ULK4: variants seen among roughly 807,000 people sequenced by gnomAD.
The protein encoded by ULK4 is inactive serine/threonine-protein kinase ULK4.
Under a neutral mutation model 160.6 loss-of-function variants are expected in ULK4, and 133 were observed. The observed-to-expected ratio is 0.83, with a 90% CI of 0.72 to 0.96. The LOEUF (loss-of-function observed/expected upper bound fraction) is 0.96, where lower values mean the gene tolerates loss of function less well. ULK4 is among the 40% of genes least tolerant of loss of function. The pLI is 0.00. For synonymous variants in ULK4, 534 were observed against 539.8 expected (o/e 0.99, Z 0.15); for missense variants, 1,580 against 1,499.5 (o/e 1.05, Z -0.89).
intron 32 of ULK4, among the ~76,000 whole-genome samples, chr3:41,473,111 AGAT>A (rs2084035891): frequency 6.6e-6 from 1 of 152,238 alleles, no homozygotes; most frequent in Admixed American, 6.5e-5. Flanking sequence ...TAAAGGACAT[AGAT>A]GATAAGCATA....
intron 29 of ULK4, among the ~76,000 whole-genome samples, chr3:41,668,474 G>C (rs921938768): frequency 1.3e-5 from 2 of 152,128 alleles, no homozygotes; most frequent in African/African-American, 4.8e-5. Flanking sequence ...GCAGTATTCA[G>C]TGCAGTAACA....
chr3:41,888,105 G>C (rs1240378890), intron 16 of ULK4, among the ~76,000 whole-genome samples: 1 of 151,676 alleles, frequency 6.6e-6, no homozygotes, highest in African/African-American at 2.4e-5. Flanking sequence ...TTTTTAGAGT[G>C]AGTCTCTAAA....
intron 21 of ULK4, among the ~76,000 whole-genome samples, chr3:41,784,432 C>G (rs1217695755): frequency 1.3e-5 from 2 of 150,546 alleles, no homozygotes; most frequent in African/African-American, 4.9e-5. Context: ...AACTCCGTCT[C>G]AAAAAAAAAG....
chr3:41,677,457 G>A (rs773479634), intron 29 of ULK4, among the ~76,000 whole-genome samples: 3 of 150,574 alleles, frequency 2.0e-5, no homozygotes, highest in Admixed American at 6.6e-5. Context: ...TCAGCCTCCC[G>A]AGTAGCTAGG....
At chr3:41,804,595 C>T (rs2040580542) in intron 19 of ULK4, among the ~76,000 whole-genome samples, 1 of 151,836 alleles carries the variant, frequency 6.6e-6, no homozygotes, top group African/African-American at 2.4e-5. Flanking sequence ...AGGTTGTCTT[C>T]TAGGCTTTTT....
chr3:41,757,175 A>C (rs1205303641), intron 21 of ULK4, among the ~76,000 whole-genome samples: 2 of 152,212 alleles, frequency 1.3e-5, no homozygotes, highest in Non-Finnish European at 2.9e-5. Flanking sequence ...AAACAACTGA[A>C]ACCTCTGATC....
chr3:41,894,484 C>T (rs1197059943), intron 16 of ULK4, among the ~76,000 whole-genome samples: 7 of 152,118 alleles, frequency 4.6e-5, no homozygotes, highest in African/African-American at 9.7e-5. Context: ...AAAATCCTTT[C>T]GCCTCCATTT....
rs576810606 is a variant in ULK4 at position 41,558,271 on chromosome 3, T to G, written c.3226+7754A>C. 3.9e-5 allele frequency among the ~76,000 whole-genome samples: 6 copies of G among 152,290 alleles called. 2 individuals carry two copies. The East Asian group carries it at 1.2e-3, about 29-fold the overall frequency. On this transcript the variant is annotated intron_variant, in intron 32 of 36. Coordinates refer to ENST00000301831, the MANE Select transcript of ULK4 (RefSeq NM_017886.4). ...GCTACATCCATAAAACAGAATAGGATGTTGCTGTGTAAAAGAATAAAGATC... is the reference window on the plus strand; with the variant it reads ...GCTACATCCATAAAACAGAATAGGAGGTTGCTGTGTAAAAGAATAAAGATC...
At position 41,715,247 on chromosome 3, in the gene ULK4, C is replaced by T; in HGVS notation, c.2624G>A (p.Gly875Glu). The part of the protein sequence containing the change: ...VVTEEFLFSY[G>E]TILSHIKSVD... ...TTTCGTGTTACTCACAAGAATAGTT[C>T]CATAGCTGAAAAGAAACTCTTCTGT... The change falls in exon 25 of 37, where the codon GGA (glycine) becomes GAA (glutamate). Residue 875 changes from glycine (G) to glutamate (E), a missense_variant. Gly to Glu is a moderately conservative substitution (Grantham distance 98, BLOSUM62 -2). Transcript: ENST00000301831. The T allele has an allele frequency of 1.2e-6, 2 of 1,613,104 alleles. No individual in the cohort carries two copies. Among genetic ancestry groups the T allele is most frequent in the South Asian group, 2.2e-5 (2 of 90,978 alleles).
chr3:41,565,574 G>C (rs748453049), intron 32 of ULK4, among the ~76,000 whole-genome samples: 6 of 152,132 alleles, frequency 3.9e-5, no homozygotes, highest in Admixed American at 3.3e-4. Context: ...CCCTCACCAT[G>C]TGATGCCCTA....
chr3:41,467,600 T>C (rs1377416273), intron 32 of ULK4, among the ~76,000 whole-genome samples: 2 of 152,056 alleles, frequency 1.3e-5, no homozygotes, highest in East Asian at 3.9e-4. Context: ...AATTAAGATA[T>C]AATCATATAG....
intron 35 of ULK4, among the ~76,000 whole-genome samples, chr3:41,372,221 G>A (rs1305076420): frequency 6.6e-6 from 1 of 152,124 alleles, no homozygotes; most frequent in Non-Finnish European, 1.5e-5. Context: ...AAAACACTCT[G>A]CAGGATATTA....
chr3:41,730,342 C>T (rs1169970775), intron 22 of ULK4, among the ~76,000 whole-genome samples: 2 of 151,884 alleles, frequency 1.3e-5, no homozygotes, highest in Non-Finnish European at 2.9e-5. Context: ...AAAAGGTCAG[C>T]AAAATAGAGT....
chr3:41,866,277 AAGCTAAGTAG>A (rs1696872294), intron 17 of ULK4, among the ~76,000 whole-genome samples: 1 of 152,194 alleles, frequency 6.6e-6, no homozygotes, highest in African/African-American at 2.4e-5. Flanking sequence ...CCTTCTCATA[AAGCTAAGTAG>A]ACCTGATGTT....
chr3:41,414,287 A>C (rs1392074483), intron 34 of ULK4, among the ~76,000 whole-genome samples: 1 of 152,052 alleles, frequency 6.6e-6, no homozygotes, highest in Non-Finnish European at 1.5e-5. Flanking sequence ...TATTGCAAGC[A>C]CTCTTATTAG....
chr3:41,387,181 A>G (rs931551395), intron 35 of ULK4, among the ~76,000 whole-genome samples: 1 of 152,180 alleles, frequency 6.6e-6, no homozygotes, highest in African/African-American at 2.4e-5. Flanking sequence ...TGGTCAGATC[A>G]GGGTAATTAA....
chr3:41,612,448 G>T (rs940000754), intron 31 of ULK4, among the ~76,000 whole-genome samples: 1 of 152,156 alleles, frequency 6.6e-6, no homozygotes, highest in Non-Finnish European at 1.5e-5. Flanking sequence ...ACCTGATCAT[G>T]TGTGTACACA....
At chr3:41,288,067 G>T (rs1027425239) in intron 35 of ULK4, among the ~76,000 whole-genome samples, 2 of 152,116 alleles carry the variant, frequency 1.3e-5, no homozygotes, top group African/African-American at 4.8e-5. Context: ...AAGAGAACAC[G>T]ATGATTTCTT....
chr3:41,844,099 G>A (rs1054089118), intron 17 of ULK4, among the ~76,000 whole-genome samples: 1 of 152,194 alleles, frequency 6.6e-6, no homozygotes, highest in African/African-American at 2.4e-5. Context: ...GAGCACCGCT[G>A]GCTTCACCCA....
Sources: gnomAD v4.1 joint callset for allele counts (sites outside exome capture counted in the v4.1 genomes callset) on GRCh38, gnomAD v4.1.1 for gene constraint, MANE v1.5 for transcripts, NCBI Gene and HGNC (gene_info 2026-07-23, HGNC 2026-07-21) for gene names.